The following TACC1 variants were observed in gnomAD, a reference collection of about 807,000 sequenced individuals.
The protein encoded by TACC1 is transforming acidic coiled-coil-containing protein 1.
TACC1 carries 48 observed loss-of-function variants against 84.4 expected under a neutral mutation model. That is an observed-to-expected ratio of 0.57 (90% CI 0.45 to 0.72). The LOEUF is 0.72. Among genes scored for constraint, TACC1 ranks in the 30% least tolerant of loss-of-function variants. The pLI is 0.00. For missense variants in TACC1, 920 were observed against 973.0 expected (o/e 0.95, Z 0.72); for synonymous variants, 372 against 376.3 (o/e 0.99, Z 0.13).
intron 2 of TACC1, among the ~76,000 whole-genome samples, chr8:38,818,881 G>A (rs1826041354): frequency 6.6e-6 from 1 of 151,500 alleles, no homozygotes; most frequent in Non-Finnish European, 1.5e-5. Flanking sequence ...GGGTTCAAGT[G>A]ATTCTCCTGC....
intron 9 of TACC1, among the ~76,000 whole-genome samples, chr8:38,841,719 C>G (rs957362915): frequency 2.0e-5 from 3 of 152,138 alleles, no homozygotes; most frequent in Admixed American, 1.3e-4. Flanking sequence ...TGGGAGCATC[C>G]TGTGTTTTGG....
intron 1 of TACC1, among the ~76,000 whole-genome samples, chr8:38,739,531 C>G (rs1806667174): frequency 6.6e-6 from 1 of 152,226 alleles, no homozygotes; most frequent in East Asian, 1.9e-4. Flanking sequence ...TTCCCTACAC[C>G]ATTTTCGGTG....
chr8:38,766,043 A>T (rs1812188697), intron 3 of TACC1, among the ~76,000 whole-genome samples: 3 of 152,152 alleles, frequency 2.0e-5, no homozygotes, highest in Admixed American at 2.0e-4. Flanking sequence ...ATTTTTTGTA[A>T]TAATAGGACA....
chr8:38,747,656 T>A (rs971183808), intron 3 of TACC1, among the ~76,000 whole-genome samples: 1 of 152,068 alleles, frequency 6.6e-6, no homozygotes, highest in African/African-American at 2.4e-5. Flanking sequence ...GGCAAAACCA[T>A]GGAGACAAAA....
At chr8:38,752,475 C>T (rs543510547) in intron 3 of TACC1, among the ~76,000 whole-genome samples, 1 of 151,982 alleles carries the variant, frequency 6.6e-6, no homozygotes, top group Non-Finnish European at 1.5e-5. Context: ...TGTCTCAAAA[C>T]AAAAATAAAA....
chr8:38,773,840 A>C (rs145109211), intron 3 of TACC1, among the ~76,000 whole-genome samples: 148 of 152,342 alleles, frequency 9.7e-4, no homozygotes, highest in African/African-American at 3.3e-3. Flanking sequence ...TACTTTGAAA[A>C]AGAGGGAAAA....
Position 38,776,193 on chromosome 8 carries a change from A to G in TACC1, c.27-12511A>G, listed in dbSNP as rs111260205. 3.0e-4 allele frequency among the ~76,000 whole-genome samples: 45 copies of G among 152,358 alleles called. 4 individuals carry two copies. Among genetic ancestry groups the G allele is most frequent in the African/African-American group, 1.0e-3 (42 of 41,584 alleles). ...TTCTACTTGGCCTTTGTGAAATCTA[A>G]ATATTGACTCCCTCCTTCTTCAACG... On this transcript the variant is annotated intron_variant, in intron 3 of 14. Coordinates refer to the TACC1 transcript ENST00000518415.
intron 6 of TACC1, among the ~76,000 whole-genome samples, chr8:38,834,470 A>G (rs1829844547): frequency 6.6e-6 from 1 of 152,176 alleles, no homozygotes; most frequent in African/African-American, 2.4e-5. Flanking sequence ...GGTAGGGGTT[A>G]CTGGGGGGCA....
At chr8:38,782,380 A>G (rs1379040762), upstream of TACC1, among the ~76,000 whole-genome samples, 5 of 152,066 alleles carry the variant, frequency 3.3e-5, no homozygotes, top group East Asian at 7.7e-4. Flanking sequence ...ATAGTATTCC[A>G]TGGTGTATAT....
chr8:38,798,294 T>G lies in TACC1; in HGVS notation c.277+9475T>G, dbSNP rs1403129764. Among the ~76,000 whole-genome samples, 8 of 152,140 alleles carry G rather than the reference T, an allele frequency of 5.3e-5. No individual in the cohort carries two copies. In the East Asian group the frequency reaches 1.5e-3, roughly 29 times the overall value. On this transcript the variant is annotated intron_variant, in intron 2 of 12. Transcript: ENST00000317827. ...TGTACCACTACACCTGGCTTGGGTG[T>G]CTTTTTAAATAAAATAGCATAAAGT...
intron 3 of TACC1, among the ~76,000 whole-genome samples, chr8:38,760,367 G>C (rs767885654): frequency 1.3e-5 from 2 of 152,196 alleles, no homozygotes; most frequent in East Asian, 3.8e-4. Context: ...CAAGGAGGCC[G>C]TACAGGAAGG....
At chr8:38,787,083 C>A, upstream of TACC1, 1 of 962,994 alleles carries the variant, frequency 1.0e-6, no homozygotes, top group African/African-American at 1.8e-5. Context: ...CGTGACGCCG[C>A]GGTAGGGGGA....
chr8:38,754,932 G>A (rs1809711017), intron 3 of TACC1, among the ~76,000 whole-genome samples: 1 of 152,224 alleles, frequency 6.6e-6, no homozygotes, highest in African/African-American at 2.4e-5. Context: ...GGAGGCCGAG[G>A]CAGGCGGATC....
At chr8:38,772,289 A>G (rs1201376286) in intron 3 of TACC1, among the ~76,000 whole-genome samples, 1 of 152,254 alleles carries the variant, frequency 6.6e-6, no homozygotes, top group Admixed American at 6.5e-5. Flanking sequence ...TCCAGAGGGC[A>G]GTTTGGCTAT....
chr8:38,782,480 T>C (rs1816228383), upstream of TACC1, among the ~76,000 whole-genome samples: 1 of 152,230 alleles, frequency 6.6e-6, no homozygotes, highest in African/African-American at 2.4e-5. Context: ...GCAATAAACA[T>C]ATGTGTGCAT....
chr8:38,837,733 T>G (rs1447553002), intron 7 of TACC1, among the ~76,000 whole-genome samples: 1 of 152,192 alleles, frequency 6.6e-6, no homozygotes, highest in Non-Finnish European at 1.5e-5. Flanking sequence ...GAGATCCTAA[T>G]AAATATAATG....
intron 3 of TACC1, among the ~76,000 whole-genome samples, chr8:38,821,385 C>T (rs1046490008): frequency 3.9e-5 from 6 of 152,212 alleles, no homozygotes; most frequent in South Asian, 4.1e-4. Flanking sequence ...GCGTCAATAA[C>T]GTGGGAAATG....
At chr8:38,806,466 G>A (rs1465557227) in intron 2 of TACC1, among the ~76,000 whole-genome samples, 1 of 152,042 alleles carries the variant, frequency 6.6e-6, no homozygotes, top group Non-Finnish European at 1.5e-5. Flanking sequence ...GTGTGTATGT[G>A]TGTGTGTGTG....
At chr8:38,835,256 A>C (rs1243651585) in intron 6 of TACC1, among the ~76,000 whole-genome samples, 1 of 151,372 alleles carries the variant, frequency 6.6e-6, no homozygotes, top group Non-Finnish European at 1.5e-5. Context: ...CCCGTCTCAA[A>C]AAAAAAAAAA....
Sources: gnomAD v4.1 joint callset for allele counts (sites outside exome capture counted in the v4.1 genomes callset) on GRCh38, gnomAD v4.1.1 for gene constraint, MANE v1.5 for transcripts, NCBI Gene and HGNC (gene_info 2026-07-23, HGNC 2026-07-21) for gene names.